CCNB3: variants seen among roughly 807,000 people sequenced by gnomAD.
The protein encoded by CCNB3 is cyclin B3.
A neutral mutation model predicts 68.0 loss-of-function variants in CCNB3; 12 were observed. The ratio of observed to expected loss-of-function variants is 0.18; its 90% confidence interval spans 0.11 to 0.29. CCNB3 has a LOEUF of 0.29. Ranked by LOEUF, CCNB3 falls within the 10% of genes least tolerant of loss-of-function variation. CCNB3 has a pLI of 1.00. For missense variants in CCNB3, 904 were observed against 993.1 expected (o/e 0.91, Z 1.21); for synonymous variants, 354 against 388.9 (o/e 0.91, Z 1.06).
At chrX:50,297,195 A>G (rs1471798836) in intron 5 of CCNB3, among the ~76,000 whole-genome samples, 18 of 111,114 alleles carry the variant, frequency 1.6e-4, no homozygotes, top group Admixed American at 8.6e-4. Context: ...TAGACATGAA[A>G]TCCTTGCCCA....
At chrX:50,330,628 G>A (rs1922550800) in intron 8 of CCNB3, among the ~76,000 whole-genome samples, 2 of 112,122 alleles carry the variant, frequency 1.8e-5, no homozygotes, top group African/African-American at 6.5e-5. Flanking sequence ...AAGAAGTACA[G>A]GGAGTAGTAA....
At chrX:50,338,365 C>G (rs1265145787) in intron 8 of CCNB3, among the ~76,000 whole-genome samples, 1 of 112,144 alleles carries the variant, frequency 8.9e-6, no homozygotes, top group Non-Finnish European at 1.9e-5. Flanking sequence ...AAAAACCGAG[C>G]TCCCTGAGTG....
chrX:50,324,027 GTGTT>G (rs1253243652), intron 8 of CCNB3, among the ~76,000 whole-genome samples: 3 of 111,689 alleles, frequency 2.7e-5, no homozygotes, highest in African/African-American at 6.5e-5. Context: ...TTACTTTTTT[GTGTT>G]TGTTTGTTTT....
chrX:50,208,296 G>A (rs1250394450), intron 1 of CCNB3, among the ~76,000 whole-genome samples: 10 of 112,113 alleles, frequency 8.9e-5, no homozygotes, highest in Non-Finnish European at 1.7e-4. Flanking sequence ...CCAGATACTA[G>A]CCAAGGGCCA....
chrX:50,226,453 T>C (rs1390298528), intron 1 of CCNB3, among the ~76,000 whole-genome samples: 1 of 71,010 alleles, frequency 1.4e-5, no homozygotes, highest in African/African-American at 6.1e-5. Context: ...ATAGAATATA[T>C]ATAAATATAT....
intron 3 of CCNB3, 62 bp from the exon 4 acceptor site, chrX:50,288,718 C>T: frequency 2.3e-6 from 2 of 867,976 alleles, no homozygotes; most frequent in South Asian, 4.5e-5. Flanking sequence ...AAAGAGGACC[C>T]AAAGTCCCTG....
chrX:50,331,179 A>G (rs782276557), intron 8 of CCNB3, among the ~76,000 whole-genome samples: 1 of 111,287 alleles, frequency 9.0e-6, no homozygotes, highest in Non-Finnish European at 1.9e-5. Flanking sequence ...GCCTGTTTTT[A>G]TGGGCAGTAG....
chrX:50,226,956 G>C lies in CCNB3; in HGVS notation c.-113+22006G>C, dbSNP rs1179983139. On this transcript the variant is annotated intron_variant, in intron 1 of 12. Coordinates refer to ENST00000376042, the MANE Select transcript of CCNB3 (RefSeq NM_033031.3). The stretch of plus-strand genomic sequence containing the variant: ...ATAGTATATATATAGAATATATATA[G>C]TATATATATAGAATATATATAGTAT... 4.6e-4 allele frequency among the ~76,000 whole-genome samples: 31 copies of C among 67,878 alleles called. No homozygotes were observed. The South Asian group carries it at 7.5e-3, about 16-fold the overall frequency. The allele number at this position is 67,878 out of a possible 115,157, so 58.9% of individuals were successfully genotyped here. A position where few individuals can be genotyped will look rare whatever the true frequency, so the allele number is the denominator to read the frequency against.
chrX:50,215,905 G>T (rs1361837472), intron 1 of CCNB3, among the ~76,000 whole-genome samples: 1 of 101,188 alleles, frequency 9.9e-6, no homozygotes, highest in Non-Finnish European at 2.0e-5. Flanking sequence ...TTTGAAGGGG[G>T]TTTTCTTGTT....
intron 5 of CCNB3, among the ~76,000 whole-genome samples, chrX:50,299,786 C>G (rs1321881862): frequency 9.0e-6 from 1 of 111,401 alleles, no homozygotes; most frequent in Non-Finnish European, 1.9e-5. Context: ...TTGTAGGTCA[C>G]TAAGGACTTG....
chrX:50,295,035 G>C (rs1936426522), intron 5 of CCNB3, 42 bp downstream of exon 5: 3 of 1,150,924 alleles, frequency 2.6e-6, no homozygotes, highest in Non-Finnish European at 3.5e-6. Flanking sequence ...TTAGATGGTA[G>C]AGTATGTGAC....
rs1481224172 is a variant in CCNB3, at chrX:50,204,932, C to T, written c.-131C>T. 2 of 110,859 alleles carry T rather than the reference C, an allele frequency of 1.8e-5. No homozygotes were observed. Among genetic ancestry groups the T allele is most frequent in the Admixed American group, 1.9e-4 (2 of 10,370 alleles). The allele number at this position is 110,859 out of a possible 1,213,427, so 9.1% of individuals were successfully genotyped here. On this transcript the variant is annotated 5_prime_UTR_variant, in exon 1 of 13. Coordinates refer to ENST00000376042, the MANE Select transcript of CCNB3 (RefSeq NM_033031.3). ...TCTGCTAATAGCTTTTCTTCCAGTC[C>T]ATTTGTGGCTTGTTAAAGGTACAAC... is the stretch of plus-strand genomic sequence containing the variant.
intron 8 of CCNB3, among the ~76,000 whole-genome samples, chrX:50,316,463 T>C (rs1310442130): frequency 2.7e-5 from 3 of 112,334 alleles, no homozygotes; most frequent in African/African-American, 9.7e-5. Flanking sequence ...TTTGTGAATA[T>C]AGTTTTTATT....
chrX:50,226,636 AAATATATATATAG>A (rs1440980323), intron 1 of CCNB3, among the ~76,000 whole-genome samples: 1 of 79,751 alleles, frequency 1.3e-5, no homozygotes, highest in African/African-American at 4.8e-5. Flanking sequence ...ATATATCTAT[AAATATATATATAG>A]AATATATCTA....
intron 8 of CCNB3, among the ~76,000 whole-genome samples, chrX:50,329,740 G>A (rs182936041): frequency 1.8e-5 from 2 of 112,276 alleles, no homozygotes; most frequent in African/African-American, 6.5e-5. Context: ...AGCCTGCTTG[G>A]ATTCTTTCCC....
Position 50,226,067 on chromosome X carries a change from CGAATATATATAGAATATATAT to C in CCNB3, c.-113+21135_-113+21155del, listed in dbSNP as rs1200531122. 4.4e-5 allele frequency among the ~76,000 whole-genome samples: 3 copies of C among 68,063 alleles called. 1 individual carries two copies. The highest frequency in any genetic ancestry group is 1.1e-4 in the African/African-American group (2 of 18,160). The allele number at this position is 68,063 out of a possible 115,157, so 59.1% of individuals were successfully genotyped here. A position where few individuals can be genotyped will look rare whatever the true frequency, so the allele number is the denominator to read the frequency against. On this transcript the variant is annotated intron_variant, in intron 1 of 12. Transcript: ENST00000376042. ...TATACAAATATATATAGAATATATA[CGAATATATATAGAATATATAT>C]GAATATATATAGAATATGTATAAAT...
intron 1 of CCNB3, among the ~76,000 whole-genome samples, chrX:50,280,216 A>G (rs1411936695): frequency 6.8e-5 from 6 of 87,722 alleles, no homozygotes; most frequent in Non-Finnish European, 4.3e-5. Context: ...ATATTTTTAG[A>G]ATATATATAA....
intron 1 of CCNB3, among the ~76,000 whole-genome samples, chrX:50,226,122 A>G (rs1188007908): frequency 6.2e-5 from 5 of 80,990 alleles, no homozygotes; most frequent in South Asian, 1.2e-3. Flanking sequence ...ATATATATAT[A>G]TTCGATATAT....
intron 8 of CCNB3, among the ~76,000 whole-genome samples, chrX:50,330,683 A>C (rs1355332736): frequency 4.5e-5 from 5 of 112,141 alleles, no homozygotes; most frequent in African/African-American, 9.7e-5. Flanking sequence ...AGAGTTTTAA[A>C]TCCTCCTAGG....
Sources: gnomAD v4.1 joint callset for allele counts (sites outside exome capture counted in the v4.1 genomes callset) on GRCh38, gnomAD v4.1.1 for gene constraint, MANE v1.5 for transcripts, NCBI Gene and HGNC (gene_info 2026-07-23, HGNC 2026-07-21) for gene names.